The following AHNAK variants were observed in gnomAD, a reference collection of about 807,000 sequenced individuals.
AHNAK encodes the protein AHNAK nucleoprotein, also known as neuroblast differentiation-associated protein AHNAK.
Under a neutral mutation model 37.8 loss-of-function variants are expected in AHNAK, and 23 were observed. That is an observed-to-expected ratio of 0.61 (90% confidence interval 0.44 to 0.86). The LOEUF (loss-of-function observed/expected upper bound fraction) is 0.86. AHNAK is among the 40% of genes least tolerant of loss of function. The pLI is 0.00. For synonymous variants in AHNAK, 2,481 were observed against 2,636.3 expected (o/e 0.94, Z 1.80); for missense variants, 7,411 against 7,319.4 (o/e 1.01, Z -0.46).
intron 5 of AHNAK, among the ~76,000 whole-genome samples, chr11:62,437,573 G>T (rs1938202217): frequency 6.6e-6 from 1 of 152,158 alleles, no homozygotes; most frequent in African/African-American, 2.4e-5. Flanking sequence ...TGGCAAGGCT[G>T]GTCTCGAACT....
At chr11:62,478,364 C>A (rs550967803) in intron 5 of AHNAK, among the ~76,000 whole-genome samples, 3 of 152,364 alleles carry the variant, frequency 2.0e-5, no homozygotes, top group Non-Finnish European at 4.4e-5. Context: ...AGCAATGATA[C>A]AAGAATGCCT....
At chr11:62,498,564 G>GC (rs1230918425) in intron 4 of AHNAK, among the ~76,000 whole-genome samples, 3 of 147,924 alleles carry the variant, frequency 2.0e-5, no homozygotes, top group African/African-American at 7.5e-5. Context: ...TTTGAGAGCA[G>GC]CACGTGAGCA....
At chr11:62,499,476 G>A (rs371746497) in intron 4 of AHNAK, among the ~76,000 whole-genome samples, 16 of 152,108 alleles carry the variant, frequency 1.1e-4, no homozygotes, top group Admixed American at 3.3e-4. Context: ...GCTTGAACCC[G>A]GGAGGCGGAG....
intron 4 of AHNAK, among the ~76,000 whole-genome samples, chr11:62,504,113 A>T (rs1384676378): frequency 6.6e-6 from 1 of 152,030 alleles, no homozygotes; most frequent in Non-Finnish European, 1.5e-5. Flanking sequence ...GTGAGCCAAG[A>T]TCACACCACT....
intron 5 of AHNAK, among the ~76,000 whole-genome samples, chr11:62,490,450 C>A (rs954027933): frequency 6.6e-6 from 1 of 152,078 alleles, no homozygotes; most frequent in African/African-American, 2.4e-5. Flanking sequence ...CCTCCTGCTC[C>A]TCCGCCTTCC....
At chr11:62,450,598 C>G (rs1458121966) in intron 5 of AHNAK, among the ~76,000 whole-genome samples, 1 of 152,250 alleles carries the variant, frequency 6.6e-6, no homozygotes, top group Non-Finnish European at 1.5e-5. Flanking sequence ...CAAACTACAG[C>G]TCCAGCTGTG....
chr11:62,487,243 T>C (rs1425699881), intron 5 of AHNAK, among the ~76,000 whole-genome samples: 3 of 152,226 alleles, frequency 2.0e-5, no homozygotes, highest in African/African-American at 7.2e-5. Context: ...TAGTTCGCTT[T>C]ATCTTCACAA....
In AHNAK at chr11:62,530,302, T is replaced by A. The variant is rs1446839522; in HGVS notation, c.4115A>T (p.Asp1372Val). ...PKVDISAPDV[D>V]VHGPDWHLKM... is the part of the protein sequence containing the mutation. ...CAGGTGCCAATCTGGGCCATGAACA[T>A]CCACATCTGGAGCACTAATGTCAAC... The change falls in exon 5 of 5, where the codon GAT becomes GTT. Residue 1372 changes from aspartate (D) to valine (V), a missense_variant. Physicochemically the swap from Asp to Val is radical, Grantham distance 152. Transcript: ENST00000378024. The A allele has an allele frequency of 6.2e-7, 1 of 1,612,944 alleles. No homozygotes were observed. The highest frequency in any genetic ancestry group is 1.1e-5 in the South Asian group (1 of 91,026).
At chr11:62,535,398 C>G (rs1940910878) in intron 3 of AHNAK, among the ~76,000 whole-genome samples, 1 of 152,130 alleles carries the variant, frequency 6.6e-6, no homozygotes, top group Non-Finnish European at 1.5e-5. Context: ...CCTGTAATCT[C>G]AGCACTTTGG....
rs765297273 is a variant in AHNAK, at chr11:62,521,516, C to T, written c.12901G>A (p.Asp4301Asn). ...VDIKGPKVDI[D>N]APDVDVHGPD... ...CCATGAACATCTACATCAGGGGCAT[C>T]GATGTCCACTTTGGGGCCCTTGATG... is the stretch of plus-strand genomic sequence containing the variant. The change falls in exon 5 of 5, where the codon GAT becomes AAT. Residue 4301 changes from aspartate to asparagine, a missense_variant. By Grantham distance (23) the Asp-to-Asn change is conservative (BLOSUM62 1). Transcript: ENST00000378024. The T allele has an allele frequency of 8.4e-5, 136 of 1,612,538 alleles. No homozygotes were observed. The highest frequency in any genetic ancestry group is 1.4e-4 in the South Asian group (13 of 91,012).
chr11:62,515,995 A>G lies in AHNAK; in HGVS notation c.*749T>C, dbSNP rs527457147. 55 of 1,167,146 alleles carry G rather than the reference A, an allele frequency of 4.7e-5. No homozygotes were observed. The South Asian group carries it at 7.3e-4, about 15-fold the overall frequency. 72.3% of individuals were successfully genotyped at this position (1,167,146 alleles called of 1,614,324 possible). On this transcript the variant is annotated 3_prime_UTR_variant, in exon 5 of 5. Transcript: ENST00000378024. ...CATTAAAGTGCTGGAAATTTTCTTAATCATGATAACATTTGTTAAAAAGAA... is the reference window on the plus strand; with the variant it reads ...CATTAAAGTGCTGGAAATTTTCTTAGTCATGATAACATTTGTTAAAAAGAA...
Position 62,520,472 on chromosome 11 carries a change from G to A in AHNAK, c.13945C>T (p.His4649Tyr). ...ATTTTCACTTTGGGCATTTTTAGGTGCCAGTCTGGGCCTTGAACGTCCACA... is the reference window on the plus strand; with the variant it reads ...ATTTTCACTTTGGGCATTTTTAGGTACCAGTCTGGGCCTTGAACGTCCACA... Reference protein sequence around the residue: ...PDVDVQGPDWHLKMPKVKMPK... With the variant: ...PDVDVQGPDWYLKMPKVKMPK... Residue 4649 changes from histidine (H) to tyrosine (Y), a missense_variant, in exon 5 of 5, where the codon CAC (histidine) becomes TAC (tyrosine). Physicochemically the swap from His to Tyr is moderately conservative, Grantham distance 83. Coordinates refer to ENST00000378024, the MANE Select transcript of AHNAK (RefSeq NM_001620.3). 6.2e-7 allele frequency: 1 copy of A among 1,614,042 alleles called. No individual in the cohort carries two copies. The highest frequency in any genetic ancestry group is 1.3e-5 in the African/African-American group (1 of 74,958).
chr11:62,493,281 TG>T (rs1297386173), intron 4 of AHNAK, among the ~76,000 whole-genome samples: 2 of 151,620 alleles, frequency 1.3e-5, no homozygotes, highest in African/African-American at 4.8e-5. Context: ...CACAAAGTGC[TG>T]GGATTACAAG....
At position 62,519,188 on chromosome 11, in the gene AHNAK, A is replaced by G. The variant is rs754844914; in HGVS notation, c.15229T>C (p.Ser5077Pro). 6 of 1,613,060 alleles carry G rather than the reference A, an allele frequency of 3.7e-6. No homozygotes were observed. The highest frequency in any genetic ancestry group is 5.1e-6 in the Non-Finnish European group (6 of 1,179,674). Reference sequence around the variant, plus strand: ...AACATCGTTTTCTTGGTTTTGGGCGATTTCACGTCGACTTTGAGTGCAGCA... The same window carrying G: ...AACATCGTTTTCTTGGTTTTGGGCGGTTTCACGTCGACTTTGAGTGCAGCA... ...PDAALKVDVK[S>P]PKTKKTMFGK... The change falls in exon 5 of 5, where the codon TCG (serine) becomes CCG (proline). Residue 5077 changes from serine to proline, a missense_variant. Coordinates refer to ENST00000378024, the MANE Select transcript of AHNAK (RefSeq NM_001620.3).
intron 2 of AHNAK, 51 bp from the exon 3 acceptor site, chr11:62,536,149 T>C (rs1223586486): frequency 3.3e-6 from 5 of 1,508,806 alleles, no homozygotes; most frequent in Non-Finnish European, 4.4e-6. Flanking sequence ...TGGGAGGACA[T>C]GAGGGCATGG....
chr11:62,540,750 T>C (rs1941096343), intron 1 of AHNAK, among the ~76,000 whole-genome samples: 1 of 152,148 alleles, frequency 6.6e-6, no homozygotes, highest in African/African-American at 2.4e-5. Flanking sequence ...AAGAATGAGA[T>C]GGCGAGGCCG....
chr11:62,468,751 C>G (rs943016112), intron 5 of AHNAK, among the ~76,000 whole-genome samples: 1 of 152,170 alleles, frequency 6.6e-6, no homozygotes, highest in African/African-American at 2.4e-5. Flanking sequence ...AGTCACTGCA[C>G]ACCAGCCTGG....
chr11:62,520,286 T>A lies in AHNAK; in HGVS notation c.14131A>T (p.Met4711Leu), dbSNP rs144063659. The A allele has an allele frequency of 6.8e-4, 1,090 of 1,613,404 alleles. 8 individuals carry two copies. In the Middle Eastern group the frequency reaches 0.013, roughly 19 times the overall value. ...GGGGCTTTGATGCTCATCTCAGGCA[T>A]CTTGAACTTGGGGCCCTTTAGTTTC... ...DAKLKGPKFK[M>L]PEMSIKAPKI... Residue 4711 changes from methionine to leucine, a missense_variant, in exon 5 of 5, where the codon ATG (methionine) becomes TTG (leucine). Transcript: ENST00000378024.
At position 62,517,736 on chromosome 11, in the gene AHNAK, A is replaced by G. The variant is rs149505116; in HGVS notation, c.16681T>C (p.Leu5561=). Residue 5561 remains leucine (L), a synonymous_variant, in exon 5 of 5, where the codon TTG becomes CTG. Transcript: ENST00000378024. The part of the protein sequence containing the change: ...ASPESDFGIN[L]KGPKIKGGAD... Reference sequence around the variant, plus strand: ...CCTCCTTTGATTTTTGGGCCCTTCAAGTTGATGCCAAAATCTGACTCAGGA... The same window carrying G: ...CCTCCTTTGATTTTTGGGCCCTTCAGGTTGATGCCAAAATCTGACTCAGGA... The G allele has an allele frequency of 1.2e-6, 2 of 1,614,000 alleles. No homozygotes were observed. Among genetic ancestry groups the G allele is most frequent in the South Asian group, 2.2e-5 (2 of 91,078 alleles).
Sources: gnomAD v4.1 joint callset for allele counts (sites outside exome capture counted in the v4.1 genomes callset) on GRCh38, gnomAD v4.1.1 for gene constraint, MANE v1.5 for transcripts, NCBI Gene and HGNC (gene_info 2026-07-23, HGNC 2026-07-21) for gene names.